The following PRG3 variants were observed in gnomAD, a reference collection of about 807,000 sequenced individuals.
The protein encoded by PRG3 is proteoglycan 3, pro eosinophil major basic protein 2.
PRG3 carries 25 observed loss-of-function variants against 26.1 expected under a neutral mutation model. That is an observed-to-expected ratio of 0.96 (90% CI 0.70 to 1.34). The LOEUF is 1.34. Ranked by LOEUF, PRG3 falls within the 40% of genes most tolerant of loss-of-function variation. The pLI is 0.00. For missense variants in PRG3, 280 were observed against 264.8 expected, an observed-to-expected ratio of 1.06 and a Z score of -0.40; for synonymous variants, 111 against 100.4, an observed-to-expected ratio of 1.11 and a Z score of -0.63.
At chr11:57,380,001 A>T (rs905161474) in intron 2 of PRG3, among the ~76,000 whole-genome samples, 194 bp from the exon 3 acceptor site, 2 of 152,246 alleles carry the variant, frequency 1.3e-5, no homozygotes, top group Non-Finnish European at 2.9e-5. Flanking sequence ...CTTCTGGCCG[A>T]CACCACGAGT....
In PRG3 at chr11:57,379,558, C is replaced by T. The variant is rs762102643; in HGVS notation, c.311G>A (p.Ser104Asn). 6.2e-7 allele frequency: 1 copy of T among 1,613,716 alleles called. No homozygotes were observed. The highest frequency in any genetic ancestry group is 8.5e-7 in the Non-Finnish European group (1 of 1,180,004). ...REEDIVEVQG[S>N]PRCKICRYLL... ...GTAGCGGCAGATCTTGCACCTTGGACTTCCCTGCACTTCAACAATGTCTTC... is the reference window on the plus strand; with the variant it reads ...GTAGCGGCAGATCTTGCACCTTGGATTTCCCTGCACTTCAACAATGTCTTC... The change falls in exon 3 of 6, where the codon AGT becomes AAT. Residue 104 changes from serine (S) to asparagine (N), a missense_variant. Physicochemically the swap from Ser to Asn is conservative, Grantham distance 46 (BLOSUM62 1). Transcript: ENST00000287143.
At position 57,379,711 on chromosome 11, in the gene PRG3, G is replaced by A. The variant is rs143922292; in HGVS notation, c.158C>T (p.Thr53Met). The A allele has an allele frequency of 5.0e-6, 8 of 1,613,896 alleles. No individual in the cohort carries two copies. Among genetic ancestry groups the A allele is most frequent in the African/African-American group, 1.3e-5 (1 of 75,030 alleles). The change falls in exon 3 of 6, where the codon ACG (threonine) becomes ATG (methionine). Residue 53 changes from threonine to methionine, a missense_variant. Transcript: ENST00000287143. ...SKEQERDLAL[T>M]EEVIQAEGEE... ...TCCCTCTGCCTGAATCACCTCCTCC[G>A]TCAGAGCCAAGTCTCTCTCCTGCTC...
intron 2 of PRG3, 95 bp from the exon 3 acceptor site, chr11:57,379,902 T>C: frequency 8.5e-7 from 1 of 1,175,284 alleles, no homozygotes; most frequent in Non-Finnish European, 1.2e-6. Context: ...TTCCTAGGAA[T>C]TCCACCTGAA....
chr11:57,377,913 C>T, intron 4 of PRG3, 77 bp from the exon 5 acceptor site: 1 of 1,224,982 alleles, frequency 8.2e-7, no homozygotes, highest in South Asian at 1.3e-5. Context: ...GTTGACTTCT[C>T]TCACTGCCTA....
At position 57,378,754 on chromosome 11, in the gene PRG3, T is replaced by C; in HGVS notation, c.434A>G (p.Asn145Ser). Reference protein sequence around the residue: ...NLVSIHDFNFNYRIQCCTSTV... With the variant: ...NLVSIHDFNFSYRIQCCTSTV... ...GCTAGTGCAGCACTGAATGCGATAG[T>C]TGAAGTTGAAGTCATGGATAGAGAC... The change falls in exon 4 of 6, where the codon AAC becomes AGC. Residue 145 changes from asparagine to serine, a missense_variant. By Grantham distance (46) the Asn-to-Ser change is conservative. Transcript: ENST00000287143. 3.1e-6 allele frequency: 5 copies of C among 1,613,798 alleles called. No individual in the cohort carries two copies. The highest frequency in any genetic ancestry group is 3.4e-6 in the Non-Finnish European group (4 of 1,179,912).
At chr11:57,377,441 T>C (rs1856955200) in intron 5 of PRG3, among the ~76,000 whole-genome samples, 1 of 152,146 alleles carries the variant, frequency 6.6e-6, no homozygotes, top group South Asian at 2.1e-4. Context: ...GCTACTCTCA[T>C]TGGTCATACC....
chr11:57,377,668 G>T (rs1454490822), intron 5 of PRG3, 57 bp downstream of exon 5: 2 of 1,412,610 alleles, frequency 1.4e-6, no homozygotes, highest in East Asian at 4.7e-5. Flanking sequence ...CAAAGGGGTA[G>T]TATTAAGAAT....
At chr11:57,380,431 A>C (rs1388804144) in intron 2 of PRG3, among the ~76,000 whole-genome samples, 5 of 150,096 alleles carry the variant, frequency 3.3e-5, no homozygotes, top group African/African-American at 7.5e-5. Flanking sequence ...AAAAAAAAAA[A>C]CAAAAACAAC....
chr11:57,378,458 A>G (rs1269971384), intron 4 of PRG3, among the ~76,000 whole-genome samples: 4 of 151,292 alleles, frequency 2.6e-5, no homozygotes, highest in African/African-American at 9.7e-5. Context: ...AAATACTCCC[A>G]CCATGGCTGA....
intron 4 of PRG3, among the ~76,000 whole-genome samples, chr11:57,378,314 T>A (rs549245669): frequency 6.6e-6 from 1 of 152,222 alleles, no homozygotes; most frequent in South Asian, 2.1e-4. Flanking sequence ...TCTAAGTGAC[T>A]AAGCTGGGCC....
chr11:57,377,902 T>C, intron 4 of PRG3, 66 bp from the exon 5 acceptor site: 2 of 1,338,528 alleles, frequency 1.5e-6, no homozygotes, highest in South Asian at 1.2e-5. Context: ...GAATACCCCC[T>C]GTTGACTTCT....
chr11:57,380,378 CA>C (rs1231232857), intron 2 of PRG3, among the ~76,000 whole-genome samples: 1 of 147,766 alleles, frequency 6.8e-6, no homozygotes, highest in African/African-American at 2.5e-5. Context: ...CCAGCCTGGG[CA>C]ACAGAGCGAG....
In PRG3 at chr11:57,380,636, G is replaced by A. The variant is rs753964778; in HGVS notation, c.61+12C>T. ...AGGGAAAGACGCATGAGGAGGGAAG[G>A]GAGAGACTTACCCAGATGAAGAGCA... On this transcript the variant is annotated intron_variant, in intron 2 of 5. Coordinates refer to ENST00000287143, the MANE Select transcript of PRG3 (RefSeq NM_006093.4). The A allele has an allele frequency of 1.3e-6, 2 of 1,562,758 alleles. No homozygotes were observed. Among genetic ancestry groups the A allele is most frequent in the African/African-American group, 1.4e-5 (1 of 72,260 alleles).
chr11:57,377,874 C>A, intron 4 of PRG3, 38 bp from the exon 5 acceptor site: 1 of 1,550,544 alleles, frequency 6.4e-7, no homozygotes, highest in South Asian at 1.1e-5. Context: ...GGCAGAAGTT[C>A]AGATCCAGGA....
intron 2 of PRG3, among the ~76,000 whole-genome samples, chr11:57,380,441 C>A (rs1009737035): frequency 6.0e-5 from 9 of 150,618 alleles, no homozygotes; most frequent in Admixed American, 3.3e-4. Flanking sequence ...ACAAAAACAA[C>A]AACAACAAAA....
chr11:57,379,567 A>G lies in PRG3; in HGVS notation c.302T>C (p.Val101Ala). 6.2e-7 allele frequency: 1 copy of G among 1,613,778 alleles called. No homozygotes were observed. The highest frequency in any genetic ancestry group is 8.5e-7 in the Non-Finnish European group (1 of 1,180,004). Residue 101 changes from valine (V) to alanine (A), a missense_variant, in exon 3 of 6, where the codon GTG (valine) becomes GCG (alanine). By Grantham distance (64) the Val-to-Ala change is moderately conservative. Transcript: ENST00000287143. ...QCPREEDIVE[V>A]QGSPRCKICR... ...GATCTTGCACCTTGGACTTCCCTGC[A>G]CTTCAACAATGTCTTCTTCCCTGGG...
chr11:57,380,945 G>A (rs574618), intron 1 of PRG3, among the ~76,000 whole-genome samples, 164 bp from the exon 2 acceptor site: 149,664 of 152,350 alleles, frequency 0.98, 73,572 homozygotes, highest in East Asian at 1. Flanking sequence ...TCCAGTCTCC[G>A]TTGCTGCTCT....
intron 3 of PRG3, 103 bp downstream of exon 3, chr11:57,379,391 A>G (rs946646819): frequency 8.5e-7 from 1 of 1,175,660 alleles, no homozygotes; most frequent in Non-Finnish European, 1.2e-6. Context: ...ATTCTGATGC[A>G]TGCGAGGCTT....
chr11:57,377,859 C>A, intron 4 of PRG3, 23 bp from the exon 5 acceptor site: 1 of 1,588,952 alleles, frequency 6.3e-7, no homozygotes, highest in South Asian at 1.1e-5. Context: ...CAGGCTAGGT[C>A]AGAGGGCAGA....
Sources: allele counts gnomAD v4.1 joint callset (sites outside exome capture counted in the v4.1 genomes callset), GRCh38; gene constraint gnomAD v4.1.1; transcripts MANE v1.5; gene names NCBI Gene and HGNC (gene_info 2026-07-23, HGNC 2026-07-21).